Variants in GAL3ST2 observed in about 807,000 individuals in gnomAD.
GAL3ST2 encodes galactose-3-O-sulfotransferase 2, also known as beta-galactose-3-O-sulfotransferase 2.
Under a neutral mutation model 12.9 loss-of-function variants are expected in GAL3ST2, and 16 were observed. The ratio of observed to expected loss-of-function variants is 1.24; its 90% CI spans 0.84 to 1.88. The LOEUF is 1.88. Ranked by LOEUF, GAL3ST2 falls within the 40% of genes most tolerant of loss-of-function variation. The pLI, the probability that GAL3ST2 is intolerant of heterozygous loss-of-function variation, is 0.00. For synonymous variants in GAL3ST2, 302 were observed against 273.9 expected (o/e 1.10, Z -1.01); for missense variants, 639 against 571.8 (o/e 1.12, Z -1.20).
intron 1 of GAL3ST2, among the ~76,000 whole-genome samples, chr2:241,777,721 A>G (rs899551560): frequency 6.6e-6 from 1 of 152,122 alleles, no homozygotes; most frequent in African/African-American, 2.4e-5. Flanking sequence ...ACCCCGTCAC[A>G]GGGCTGAGAG....
At chr2:241,791,291 G>A (rs1559414823) in intron 1 of GAL3ST2, among the ~76,000 whole-genome samples, 3 of 152,160 alleles carry the variant, frequency 2.0e-5, no homozygotes, top group African/African-American at 4.8e-5. Context: ...TTTAATTTAT[G>A]GGAGTACAGT....
Position 241,793,468 on chromosome 2 carries a change from G to A in GAL3ST2, c.30-5597G>A, listed in dbSNP as rs1254880579. ...ATGTACTGTGTATGCGTGTGTATGT[G>A]TATGCATGTGTATTATATGTACATA... On this transcript the variant is annotated intron_variant, in intron 1 of 3. Transcript: ENST00000192314. This position sits in a 1 kb window ranked among gnomAD's most constrained non-coding sequence, Gnocchi z 4.7. Among the ~76,000 whole-genome samples the A allele has an allele frequency of 1.3e-5, 2 of 151,940 alleles. No individual in the cohort carries two copies. Among genetic ancestry groups the A allele is most frequent in the East Asian group, 3.9e-4 (2 of 5,190 alleles).
In GAL3ST2 at chr2:241,802,071, C is replaced by T. The variant is rs1290525363; in HGVS notation, c.375+35C>T. 1.9e-6 allele frequency: 3 copies of T among 1,575,000 alleles called. No individual in the cohort carries two copies. Among genetic ancestry groups the T allele is most frequent in the Non-Finnish European group, 2.6e-6 (3 of 1,160,316 alleles). On this transcript the variant is annotated intron_variant, in intron 3 of 3. Transcript: ENST00000192314. The surrounding 1 kb of genome is among the most constrained non-coding windows in gnomAD (Gnocchi z 4.8). ...GCCTGCTGGGGAGGAGGGCGGGCTG[C>T]AGCCGTGCCTGTGGCTGTGGGTCTG...
rs968593548 is a variant in GAL3ST2, at chr2:241,793,772, G to A, written c.30-5293G>A. Among the ~76,000 whole-genome samples, 2 of 151,498 alleles carry A rather than the reference G, an allele frequency of 1.3e-5. No individual in the cohort carries two copies. Among genetic ancestry groups the A allele is most frequent in the Admixed American group, 6.6e-5 (1 of 15,194 alleles). ...TGTGTGTATTGTGTATGTGTAGTGTGTATTATTTGTGTGTGTGTGTATTGT... is the reference window on the plus strand; with the variant it reads ...TGTGTGTATTGTGTATGTGTAGTGTATATTATTTGTGTGTGTGTGTATTGT... On this transcript the variant is annotated intron_variant, in intron 1 of 3. Transcript: ENST00000192314. The surrounding 1 kb of genome is among the most constrained non-coding windows in gnomAD (Gnocchi z 4.7).
At position 241,802,118 on chromosome 2, in the gene GAL3ST2, G is replaced by C. The variant is rs1053481634; in HGVS notation, c.375+82G>C. 4 of 1,474,564 alleles carry C rather than the reference G, an allele frequency of 2.7e-6. No individual in the cohort carries two copies. The highest frequency in any genetic ancestry group is 1.4e-5 in the African/African-American group (1 of 71,726). The allele number at this position is 1,474,564 out of a possible 1,614,324, so 91.3% of individuals were successfully genotyped here. A position where few individuals can be genotyped will look rare whatever the true frequency, so the allele number is the denominator to read the frequency against. On this transcript the variant is annotated intron_variant, in intron 3 of 3. Coordinates refer to ENST00000192314, the MANE Select transcript of GAL3ST2 (RefSeq NM_022134.3). The surrounding 1 kb of genome is among the most constrained non-coding windows in gnomAD (Gnocchi z 4.8). ...TCTGGGTGGTGTAGCCTGGAGGCTGGAGAGAAGGAGTGTAAGGCTTGGGGG... is the reference window on the plus strand; with the variant it reads ...TCTGGGTGGTGTAGCCTGGAGGCTGCAGAGAAGGAGTGTAAGGCTTGGGGG...
chr2:241,800,044 G>A lies in GAL3ST2; in HGVS notation c.119+890G>A, dbSNP rs577299446. On this transcript the variant is annotated intron_variant, in intron 2 of 3. Coordinates refer to ENST00000192314, the MANE Select transcript of GAL3ST2 (RefSeq NM_022134.3). The surrounding 1 kb of genome is among the most constrained non-coding windows in gnomAD (Gnocchi z 5.2). ...AGGTCACAAAGCCAGCTGCATGTGC[G>A]TGCCTGGGCACCAGGGAGAAGGCTG... Among the ~76,000 whole-genome samples the A allele has an allele frequency of 5.9e-5, 9 of 152,360 alleles. No homozygotes were observed. Among genetic ancestry groups the A allele is most frequent in the Admixed American group, 2.6e-4 (4 of 15,310 alleles).
At chr2:241,780,090 GA>G (rs1274461394) in intron 1 of GAL3ST2, among the ~76,000 whole-genome samples, 1 of 151,844 alleles carries the variant, frequency 6.6e-6, no homozygotes, top group African/African-American at 2.4e-5. Flanking sequence ...GGGAAAAAAA[GA>G]AAAAAATGCA....
chr2:241,783,027 T>C (rs890840765), intron 1 of GAL3ST2, among the ~76,000 whole-genome samples: 5 of 151,934 alleles, frequency 3.3e-5, no homozygotes, highest in Non-Finnish European at 7.4e-5. Flanking sequence ...TAATCCTAGC[T>C]ACTTCGAGGC....
intron 1 of GAL3ST2, among the ~76,000 whole-genome samples, chr2:241,777,845 C>T (rs1239910559): frequency 6.6e-6 from 1 of 152,152 alleles, no homozygotes; most frequent in African/African-American, 2.4e-5. Context: ...ACTTGATTAG[C>T]TGGTGGCCAA....
chr2:241,786,433 G>A (rs903607391), intron 1 of GAL3ST2, among the ~76,000 whole-genome samples: 4 of 151,962 alleles, frequency 2.6e-5, no homozygotes, highest in African/African-American at 7.3e-5. Flanking sequence ...ACCCCAATTC[G>A]GCTACTTAAC....
rs1437154023 is a variant in GAL3ST2 at position 241,801,917 on chromosome 2, GC to G, written c.258del (p.Gly87AlafsTer33). 1 of 1,612,974 alleles carries G rather than the reference GC, an allele frequency of 6.2e-7. No individual in the cohort carries two copies. Among genetic ancestry groups the G allele is most frequent in the Non-Finnish European group, 8.5e-7 (1 of 1,179,944 alleles). ...CCACAACCTGTCCGTGGCGCTGCCC[GC>G]CGGCTCACGCGTCCACCTGGGCTAC... is the stretch of plus-strand genomic sequence containing the variant. ...ETHNLSVALP[A>X]GSRVHLGYPW... On this transcript the variant is annotated frameshift_variant, in exon 3 of 4. Transcript: ENST00000192314. LOFTEE classifies it high-confidence loss of function. The surrounding 1 kb of genome is among the most constrained non-coding windows in gnomAD (Gnocchi z 4.4).
chr2:241,782,840 A>C (rs1481680592), intron 1 of GAL3ST2, among the ~76,000 whole-genome samples: 1 of 152,126 alleles, frequency 6.6e-6, no homozygotes, highest in East Asian at 1.9e-4. Context: ...AATAACCTTA[A>C]TTTAAAAATG....
intron 1 of GAL3ST2, among the ~76,000 whole-genome samples, chr2:241,797,145 T>C (rs1390451738): frequency 6.6e-6 from 1 of 152,252 alleles, no homozygotes; most frequent in Non-Finnish European, 1.5e-5. Context: ...AGGCGTGAGC[T>C]GCCGCGCCTG....
At chr2:241,784,530 A>G (rs1422269447) in intron 1 of GAL3ST2, among the ~76,000 whole-genome samples, 1 of 152,252 alleles carries the variant, frequency 6.6e-6, no homozygotes, top group East Asian at 1.9e-4. Context: ...TATTTTACCA[A>G]TGATTTAAAA....
chr2:241,777,021 C>A, intron 1 of GAL3ST2, 37 bp downstream of exon 1: 2 of 1,456,304 alleles, frequency 1.4e-6, no homozygotes, highest in Non-Finnish European at 1.8e-6. Context: ...GTGGACAAAG[C>A]GCTTCATCTG....
chr2:241,799,346 G>A (rs2125196280), intron 2 of GAL3ST2, among the ~76,000 whole-genome samples, 192 bp downstream of exon 2: 1 of 152,306 alleles, frequency 6.6e-6, no homozygotes, highest in East Asian at 1.9e-4. Context: ...GGGCCTTTGG[G>A]GAGGGCTCTG....
intron 1 of GAL3ST2, among the ~76,000 whole-genome samples, 160 bp from the exon 2 acceptor site, chr2:241,798,905 C>G (rs1030029376): frequency 6.6e-6 from 1 of 152,116 alleles, no homozygotes; most frequent in Non-Finnish European, 1.5e-5. Context: ...ACTCCCTAGC[C>G]CATGGGCCGG....
chr2:241,791,991 GTTTTC>G (rs1251074430), intron 1 of GAL3ST2, among the ~76,000 whole-genome samples: 2 of 144,736 alleles, frequency 1.4e-5, no homozygotes, highest in Non-Finnish European at 3.0e-5. Context: ...CCATTTTTCT[GTTTTC>G]TTTTCTTTTC....
chr2:241,799,016 G>A (rs749881041), intron 1 of GAL3ST2, 49 bp from the exon 2 acceptor site: 2 of 1,472,854 alleles, frequency 1.4e-6, no homozygotes, highest in Non-Finnish European at 1.9e-6. Flanking sequence ...AGGTGGGGGT[G>A]GGGCTGGCAC....
Sources: allele counts gnomAD v4.1 joint callset (sites outside exome capture counted in the v4.1 genomes callset), GRCh38; gene constraint gnomAD v4.1.1; non-coding constraint Gnocchi (gnomAD v3.1); transcripts MANE v1.5; gene names NCBI Gene and HGNC (gene_info 2026-07-23, HGNC 2026-07-21).